ATP6V0A4: variants seen among roughly 807,000 people sequenced by gnomAD.
ATP6V0A4 encodes the protein ATPase H+ transporting V0 subunit a4.
Under a neutral mutation model 107.3 loss-of-function variants are expected in ATP6V0A4, and 86 were observed. The ratio of observed to expected loss-of-function variants is 0.80; its 90% CI spans 0.67 to 0.96. ATP6V0A4 has a LOEUF of 0.96. ATP6V0A4 is among the 40% of genes least tolerant of loss of function. The pLI is 0.00. For missense variants in ATP6V0A4, 908 were observed against 1,045.6 expected (o/e 0.87, Z 1.81); for synonymous variants, 353 against 381.4 (o/e 0.93, Z 0.87).
chr7:138,784,256 A>ATATATATACG lies in ATP6V0A4; in HGVS notation c.-18+1901_-18+1902insCGTATATATA, dbSNP rs1563020892. On this transcript the variant is annotated intron_variant, in intron 2 of 21. Transcript: ENST00000310018. Reference sequence around the variant, plus strand: ...TATACGTATATATATATATATACATATATATATATACATATATATATATAC... The same window carrying ATATATATACG: ...TATACGTATATATATATATATACATATATATATACGTATATATATACATATATATATATAC... Among the ~76,000 whole-genome samples, 85 of 40,082 alleles carry ATATATATACG rather than the reference A, an allele frequency of 2.1e-3. 3 individuals carry two copies. Among genetic ancestry groups the ATATATATACG allele is most frequent in the African/African-American group, 6.8e-3 (80 of 11,770 alleles). The allele number at this position is 40,082 out of a possible 152,430, so 26.3% of individuals were successfully genotyped here. A position where few individuals can be genotyped will look rare whatever the true frequency, so the allele number is the denominator to read the frequency against.
In ATP6V0A4 at chr7:138,709,703, C is replaced by G. The variant is rs766370062; in HGVS notation, c.2350G>C (p.Val784Leu). The G allele has an allele frequency of 1.2e-6, 2 of 1,613,680 alleles. No individual in the cohort carries two copies. Among genetic ancestry groups the G allele is most frequent in the African/African-American group, 2.7e-5 (2 of 74,856 alleles). ...ATGGCTACTGTCAGGACAGCAAATA[C>G]GGCAAAAATAATAAAAACCCCGACG... ...GIVGVFIIFAVFAVLTVAILL... is the reference protein window; with the variant it reads ...GIVGVFIIFALFAVLTVAILL... Residue 784 changes from valine (V) to leucine (L), a missense_variant, in exon 21 of 22, where the codon GTA (valine) becomes CTA (leucine). Coordinates refer to ENST00000310018, the MANE Select transcript of ATP6V0A4 (RefSeq NM_020632.3).
intron 2 of ATP6V0A4, among the ~76,000 whole-genome samples, chr7:138,780,343 C>CT (rs1164502976): frequency 7.2e-5 from 11 of 152,162 alleles, no homozygotes; most frequent in Non-Finnish European, 7.3e-5. Flanking sequence ...AGGGTTCATG[C>CT]TCCTCTGAGG....
At chr7:138,712,269 A>G (rs2117184088) in intron 20 of ATP6V0A4, among the ~76,000 whole-genome samples, 1 of 152,236 alleles carries the variant, frequency 6.6e-6, no homozygotes, top group East Asian at 1.9e-4. Flanking sequence ...TCAGCGCTTC[A>G]AGTCATCCGT....
chr7:138,745,979 A>AT (rs1293804682), intron 13 of ATP6V0A4, among the ~76,000 whole-genome samples: 13 of 117,496 alleles, frequency 1.1e-4, no homozygotes, highest in African/African-American at 4.2e-4. Flanking sequence ...ATATATATAT[A>AT]AAATATATAT....
Position 138,759,774 on chromosome 7 carries a change from G to C in ATP6V0A4, c.617C>G (p.Ala206Gly). 2 of 1,614,124 alleles carry C rather than the reference G, an allele frequency of 1.2e-6. No homozygotes were observed. The highest frequency in any genetic ancestry group is 1.7e-6 in the Non-Finnish European group (2 of 1,180,024). ...NVYLKFSEMD[A>G]PLEDPVTKEE... ...CACCGTCACAGGATCCTCCAGAGGG[G>C]CGTCCATCTCACTGAACTTCAAGTA... Residue 206 changes from alanine (A) to glycine (G), a missense_variant, in exon 8 of 22, where the codon GCC becomes GGC. Ala to Gly is a moderately conservative substitution (Grantham distance 60). Coordinates refer to ENST00000310018, the MANE Select transcript of ATP6V0A4 (RefSeq NM_020632.3).
At chr7:138,706,808 C>T (rs1803391113) in intron 21 of ATP6V0A4, 91 bp from the exon 22 acceptor site, 2 of 1,564,356 alleles carry the variant, frequency 1.3e-6, no homozygotes, top group Non-Finnish European at 8.6e-7. Context: ...GGAAGCAGAG[C>T]GTTCGTAAAA....
At chr7:138,795,540 G>A (rs189491632) in intron 1 of ATP6V0A4, among the ~76,000 whole-genome samples, 2 of 152,278 alleles carry the variant, frequency 1.3e-5, no homozygotes, top group Non-Finnish European at 2.9e-5. Context: ...AATGCACCCA[G>A]CGTCCCACAT....
chr7:138,796,224 C>T (rs113783428), intron 1 of ATP6V0A4, among the ~76,000 whole-genome samples: 3,214 of 152,156 alleles, frequency 0.021, 109 homozygotes, highest in African/African-American at 0.073. Context: ...GTCCCCACAC[C>T]GAGAGCCTGG....
At chr7:138,715,996 A>C in intron 19 of ATP6V0A4, 115 bp from the exon 20 acceptor site, 1 of 1,399,296 alleles carries the variant, frequency 7.1e-7, no homozygotes, top group Non-Finnish European at 1.0e-6. Context: ...CTTTCAGTCT[A>C]ACTAGGGGAA....
chr7:138,781,837 C>CTTTTTT (rs1563019430), intron 2 of ATP6V0A4, among the ~76,000 whole-genome samples: 1 of 67,298 alleles, frequency 1.5e-5, no homozygotes. Context: ...CTCTGTCTCT[C>CTTTTTT]TCTCTCTTTT....
intron 19 of ATP6V0A4, among the ~76,000 whole-genome samples, chr7:138,716,505 A>G (rs1390161917): frequency 6.6e-6 from 1 of 151,670 alleles, no homozygotes; most frequent in African/African-American, 2.4e-5. Flanking sequence ...AGAAGTAAAT[A>G]ACAGAACGAA....
At chr7:138,750,343 T>C (rs1033490104) in intron 11 of ATP6V0A4, among the ~76,000 whole-genome samples, 4 of 152,062 alleles carry the variant, frequency 2.6e-5, no homozygotes, top group African/African-American at 9.7e-5. Context: ...CTCAAACTTC[T>C]GGGCTCAAGT....
At chr7:138,748,643 G>A (rs893679295) in intron 12 of ATP6V0A4, among the ~76,000 whole-genome samples, 2 of 152,156 alleles carry the variant, frequency 1.3e-5, no homozygotes, top group South Asian at 4.1e-4. Flanking sequence ...CTGACCTCAA[G>A]CGATCCACCT....
intron 2 of ATP6V0A4, among the ~76,000 whole-genome samples, chr7:138,774,614 T>TA (rs1807558747): frequency 5.1e-5 from 3 of 59,310 alleles, no homozygotes; most frequent in Admixed American, 3.2e-4. Flanking sequence ...TATCTATATA[T>TA]ATAATATATT....
At chr7:138,759,224 T>C (rs975667951) in intron 8 of ATP6V0A4, among the ~76,000 whole-genome samples, 7 of 151,752 alleles carry the variant, frequency 4.6e-5, no homozygotes, top group Admixed American at 1.3e-4. Flanking sequence ...CACACTTGGT[T>C]AACTTTTTTT....
At chr7:138,729,490 C>T (rs1347126624) in intron 17 of ATP6V0A4, among the ~76,000 whole-genome samples, 1 of 152,184 alleles carries the variant, frequency 6.6e-6, no homozygotes, top group Non-Finnish European at 1.5e-5. Flanking sequence ...CGGTCTCTCT[C>T]GCCTTCCCTT....
chr7:138,720,546 T>A (rs1468709666), intron 19 of ATP6V0A4, among the ~76,000 whole-genome samples: 1 of 152,138 alleles, frequency 6.6e-6, no homozygotes, highest in African/African-American at 2.4e-5. Context: ...CTTGGTAATG[T>A]CAACAGCCAC....
At chr7:138,739,054 G>GAT (rs1048341206) in intron 15 of ATP6V0A4, among the ~76,000 whole-genome samples, 5 of 152,168 alleles carry the variant, frequency 3.3e-5, no homozygotes, top group African/African-American at 1.2e-4. Flanking sequence ...GACTGAGATA[G>GAT]ATATAACAAA....
At chr7:138,717,280 G>T (rs1390230641) in intron 19 of ATP6V0A4, among the ~76,000 whole-genome samples, 1 of 152,196 alleles carries the variant, frequency 6.6e-6, no homozygotes, top group African/African-American at 2.4e-5. Flanking sequence ...GGAAAGAGGA[G>T]ATCACGCCTG....
Sources: gnomAD v4.1 joint callset for allele counts (sites outside exome capture counted in the v4.1 genomes callset) on GRCh38, gnomAD v4.1.1 for gene constraint, MANE v1.5 for transcripts, NCBI Gene and HGNC (gene_info 2026-07-23, HGNC 2026-07-21) for gene names.